The following FBN2 variants were observed in gnomAD, a reference collection of about 807,000 sequenced individuals.
FBN2 encodes the protein fibrillin 2.
Under a neutral mutation model 355.6 loss-of-function variants are expected in FBN2, and 105 were observed. The observed-to-expected ratio is 0.30, with a 90% CI of 0.25 to 0.35. The LOEUF is 0.35. FBN2 is among the 10% of genes least tolerant of loss of function. FBN2 has a pLI of 1.00. For missense variants in FBN2, 3,280 were observed against 3,758.7 expected (o/e 0.87, Z 3.33); for synonymous variants, 1,350 against 1,301.2 (o/e 1.04, Z -0.81).
intron 7 of FBN2, among the ~76,000 whole-genome samples, chr5:128,419,785 C>A (rs1224656369): frequency 6.6e-6 from 1 of 152,048 alleles, no homozygotes; most frequent in Non-Finnish European, 1.5e-5. Context: ...CTCCGCTTCC[C>A]AGGTTCAAGT....
At chr5:128,309,140 G>T in intron 41 of FBN2, 107 bp downstream of exon 41, 1 of 1,227,278 alleles carries the variant, frequency 8.1e-7, no homozygotes, top group Non-Finnish European at 1.2e-6. Context: ...GGAATTTTTG[G>T]AACTGAGCAT....
At chr5:128,297,126 G>A (rs1749544891) in intron 48 of FBN2, among the ~76,000 whole-genome samples, 1 of 152,106 alleles carries the variant, frequency 6.6e-6, no homozygotes, top group African/African-American at 2.4e-5. Context: ...AGGTTGTTCA[G>A]TTTCCATGTA....
intron 14 of FBN2, among the ~76,000 whole-genome samples, chr5:128,375,293 T>C (rs1006571162): frequency 1.3e-5 from 2 of 152,208 alleles, no homozygotes; most frequent in African/African-American, 2.4e-5. Flanking sequence ...ACAACATTTG[T>C]AATTAAATAA....
chr5:128,474,031 G>T (rs537823718), intron 5 of FBN2, among the ~76,000 whole-genome samples: 9 of 152,276 alleles, frequency 5.9e-5, no homozygotes, highest in African/African-American at 2.2e-4. Flanking sequence ...TGAAGAGGCC[G>T]TAACGATAAT....
chr5:128,310,361 G>T, intron 39 of FBN2, among the ~76,000 whole-genome samples: 1 of 113,074 alleles, frequency 8.8e-6, no homozygotes, highest in African/African-American at 3.5e-5. Flanking sequence ...TAATTTCCTT[G>T]GCACATATAT....
rs564440705 is a variant in FBN2 at position 128,278,742 on chromosome 5, T to A, written c.7238A>T (p.Asp2413Val). 1 of 1,614,178 alleles carries A rather than the reference T, an allele frequency of 6.2e-7. No individual in the cohort carries two copies. The highest frequency in any genetic ancestry group is 2.2e-5 in the East Asian group (1 of 44,880). ...CTGGTGGCCCCAGCCTCGCCCACCATCACAGCAGCATTCTGACTTAGTGAC... is the reference window on the plus strand; with the variant it reads ...CTGGTGGCCCCAGCCTCGCCCACCAACACAGCAGCATTCTGACTTAGTGAC... ...NLVTKSECCC[D>V]GGRGWGHQCE... The change falls in exon 57 of 65, where the codon GAT becomes GTT. Residue 2413 changes from aspartate (D) to valine (V), a missense_variant. By Grantham distance (152) the Asp-to-Val change is radical. Transcript: ENST00000262464.
At position 128,319,000 on chromosome 5, in the gene FBN2, A is replaced by G; in HGVS notation, c.4473T>C (p.Asp1491=). Residue 1491 remains aspartate, a splice_region_variant and synonymous_variant, in exon 35 of 65, where the codon GAT becomes GAC. Coordinates refer to ENST00000262464, the MANE Select transcript of FBN2 (RefSeq NM_001999.4). ...TPASDSRSCQ[D]IDECSFQNIC... is the part of the protein sequence containing the mutation. ...TGTTTTGGAAGGAGCATTCATCAAT[A>G]TCTGAAGATTTTAAAAAAAAGTAAT... is the stretch of plus-strand genomic sequence containing the variant. The G allele has an allele frequency of 6.2e-7, 1 of 1,606,020 alleles. No individual in the cohort carries two copies. Among genetic ancestry groups the G allele is most frequent in the Admixed American group, 1.7e-5 (1 of 59,980 alleles).
chr5:128,305,484 C>T, intron 44 of FBN2, 27 bp downstream of exon 44: 1 of 1,613,070 alleles, frequency 6.2e-7, no homozygotes, highest in Non-Finnish European at 8.5e-7. Flanking sequence ...TGCTCAGTGC[C>T]AAAGAATGAG....
In FBN2 at chr5:128,434,424, A is replaced by ATATATATATATATATATATATATG. The variant is rs1168426536; in HGVS notation, c.952+12056_952+12057insCATATATATATATATATATATATA. ...TATATATATATATATATATATATATATGGGCAGTAAGTGACAGCACTGGCG... is the reference window on the plus strand; with the variant it reads ...TATATATATATATATATATATATATATATATATATATATATATATATATGTGGGCAGTAAGTGACAGCACTGGCG... On this transcript the variant is annotated intron_variant, in intron 7 of 64. Transcript: ENST00000262464. 5.7e-3 allele frequency among the ~76,000 whole-genome samples: 748 copies of ATATATATATATATATATATATATG among 130,194 alleles called. 23 individuals carry two copies. The highest frequency in any genetic ancestry group is 7.5e-3 in the African/African-American group (232 of 31,104). 85.4% of individuals were successfully genotyped at this position (130,194 alleles called of 152,430 possible).
intron 34 of FBN2, chr5:128,328,400 CAT>C (rs1298144570): frequency 3.4e-5 from 20 of 596,906 alleles, no homozygotes; most frequent in East Asian, 5.6e-5. Flanking sequence ...AGTTTCTCCA[CAT>C]GTCATTCATT....
chr5:128,398,405 A>G (rs969658502), intron 8 of FBN2, among the ~76,000 whole-genome samples: 1 of 150,610 alleles, frequency 6.6e-6, no homozygotes, highest in African/African-American at 2.4e-5. Flanking sequence ...ATTATATTTA[A>G]TATATTTAAA....
Position 128,258,171 on chromosome 5 carries a change from T to C in FBN2, c.*1284A>G, listed in dbSNP as rs1764866032. On this transcript the variant is annotated 3_prime_UTR_variant, in exon 65 of 65. Transcript: ENST00000262464. ...GCTTTGGCCATTTCACATATGAGGT[T>C]TGGTCACTGGTCCAGGAAACAGGTT... 1 of 152,566 alleles carries C rather than the reference T, an allele frequency of 6.6e-6. No homozygotes were observed. 9.5% of individuals were successfully genotyped at this position (152,566 alleles called of 1,614,324 possible).
chr5:128,324,416 G>A lies in FBN2; in HGVS notation c.4471+4280C>T, dbSNP rs116795355. Among the ~76,000 whole-genome samples, 1,078 of 152,114 alleles carry A rather than the reference G, an allele frequency of 7.1e-3. 7 individuals carry two copies. The highest frequency in any genetic ancestry group is 0.017 in the Middle Eastern group (5 of 294). ...TAGATCTTTCTTGCTTTCTCCTGTG[G>A]GCATTTACTGCTATAAATTTCTGTC... On this transcript the variant is annotated intron_variant, in intron 34 of 64. Transcript: ENST00000262464.
chr5:128,482,684 T>C (rs1005243513), intron 5 of FBN2, among the ~76,000 whole-genome samples: 5 of 152,172 alleles, frequency 3.3e-5, no homozygotes, highest in African/African-American at 1.2e-4. Context: ...ATATTAATAT[T>C]CTCCACTAGA....
chr5:128,428,113 C>T (rs1753528602), intron 7 of FBN2, among the ~76,000 whole-genome samples: 1 of 152,140 alleles, frequency 6.6e-6, no homozygotes, highest in Non-Finnish European at 1.5e-5. Context: ...CACTTCTCAT[C>T]ACTTTTACCA....
chr5:128,390,136 A>G (rs186174931), intron 11 of FBN2, among the ~76,000 whole-genome samples: 1 of 152,274 alleles, frequency 6.6e-6, no homozygotes, highest in African/African-American at 2.4e-5. Context: ...CGTTGCTAGC[A>G]TACAGATCAC....
At chr5:128,450,248 C>T (rs1172537038) in intron 6 of FBN2, among the ~76,000 whole-genome samples, 1 of 151,908 alleles carries the variant, frequency 6.6e-6, no homozygotes, top group African/African-American at 2.4e-5. Context: ...TATCAAGTGC[C>T]CACAGAATAT....
rs148615473 is a variant in FBN2, at chr5:128,336,237, TCTC to T, written c.3599-127_3599-125del. ...TGTACTTCACGAGGAAGTAAAATGT[TCTC>T]CTGGGGGATTGAAAGAAAATGCTGG... On this transcript the variant is annotated intron_variant, in intron 27 of 64. Transcript: ENST00000262464. 1.1e-3 allele frequency: 1,022 copies of T among 897,214 alleles called. 14 individuals are homozygous for T. The East Asian group carries it at 0.021, about 19-fold the overall frequency. The allele number at this position is 897,214 out of a possible 1,614,324, so 55.6% of individuals were successfully genotyped here. A position where few individuals can be genotyped will look rare whatever the true frequency, so the allele number is the denominator to read the frequency against.
chr5:128,275,931 C>T (rs1765384425), intron 59 of FBN2, 107 bp downstream of exon 59: 1 of 1,285,804 alleles, frequency 7.8e-7, no homozygotes, highest in African/African-American at 1.5e-5. Flanking sequence ...AGGATGGGAC[C>T]TTTTAATGAA....
Sources: allele counts gnomAD v4.1 joint callset (sites outside exome capture counted in the v4.1 genomes callset), GRCh38; gene constraint gnomAD v4.1.1; transcripts MANE v1.5; gene names NCBI Gene and HGNC (gene_info 2026-07-23, HGNC 2026-07-21).